The following NFIX variants were observed in gnomAD, a reference collection of about 807,000 sequenced individuals.
The protein encoded by NFIX is nuclear factor 1 X-type.
A neutral mutation model predicts 53.3 loss-of-function variants in NFIX; 2 were observed. That is an observed-to-expected ratio of 0.04 (90% CI 0.02 to 0.12). The LOEUF (loss-of-function observed/expected upper bound fraction) is 0.12, where lower values mean the gene tolerates loss of function less well. Among genes scored for constraint, NFIX ranks in the 10% least tolerant of loss-of-function variants. The probability of loss-of-function intolerance (pLI) is 1.00; values close to 1 mark genes in which losing one functional copy is unlikely to be tolerated. For synonymous variants in NFIX, 244 were observed against 289.0 expected, an observed-to-expected ratio of 0.84 and a Z score of 1.58; for missense variants, 310 against 674.5, an observed-to-expected ratio of 0.46 and a Z score of 5.99.
Position 13,005,230 on chromosome 19 carries a change from G to A in NFIX, c.27+9366G>A, listed in dbSNP as rs1247414571. 6.6e-6 allele frequency among the ~76,000 whole-genome samples: 1 copy of A among 152,216 alleles called. No individual in the cohort carries two copies. Among genetic ancestry groups the A allele is most frequent in the African/African-American group, 2.4e-5 (1 of 41,450 alleles). On this transcript the variant is annotated intron_variant, in intron 1 of 10. Coordinates refer to ENST00000592199, the MANE Select transcript of NFIX (RefSeq NM_001365902.3). The surrounding 1 kb of genome is among the most constrained non-coding windows in gnomAD (Gnocchi z 4.7). The stretch of plus-strand genomic sequence containing the variant: ...AAGAAGAGACAGCGGTCAGCAGAAT[G>A]GTAGAAGAAGATAGGATAATAGCAA...
At chr19:13,024,498 TG>T in intron 1 of NFIX, 1 of 1,504,588 alleles carries the variant, frequency 6.6e-7, no homozygotes. Flanking sequence ...TCTGTCTTCT[TG>T]GGGGCGGCCA....
rs1249645010 is a variant in NFIX at position 13,006,041 on chromosome 19, C to T, written c.27+10177C>T. 4.6e-5 allele frequency among the ~76,000 whole-genome samples: 7 copies of T among 152,178 alleles called. No individual in the cohort carries two copies. The highest frequency in any genetic ancestry group is 8.8e-5 in the Non-Finnish European group (6 of 68,042). ...GGGTGCCAGGCTCTGTTTTAGGCCC[C>T]GGGGGCTCGGCAGGGAGCAAAATCT... On this transcript the variant is annotated intron_variant, in intron 1 of 10. Coordinates refer to ENST00000592199, the MANE Select transcript of NFIX (RefSeq NM_001365902.3). The surrounding 1 kb of genome is among the most constrained non-coding windows in gnomAD (Gnocchi z 5.6).
chr19:12,997,937 G>A (rs1254574223), intron 1 of NFIX, among the ~76,000 whole-genome samples: 4 of 151,966 alleles, frequency 2.6e-5, no homozygotes, highest in East Asian at 1.9e-4. Context: ...TGGGCATGGT[G>A]TCTCCAGGCT....
intron 2 of NFIX, among the ~76,000 whole-genome samples, chr19:13,029,163 AT>A (rs1324695329): frequency 6.6e-6 from 1 of 152,168 alleles, no homozygotes; most frequent in Non-Finnish European, 1.5e-5. Flanking sequence ...ATCACGGCCA[AT>A]CTCAATTCAA....
intron 1 of NFIX, among the ~76,000 whole-genome samples, chr19:13,023,037 C>T (rs1215361211): frequency 6.7e-6 from 1 of 149,156 alleles, no homozygotes; most frequent in Non-Finnish European, 1.5e-5. Context: ...TCGTGGATGT[C>T]TCTTTGCCAA....
chr19:13,051,908 C>G lies in NFIX; in HGVS notation c.560-21139C>G, dbSNP rs1023522081. ...CGGCTGCGGGAAGGCACTTCTTAGG[C>G]GCCGCCTCCTCCTCACAGCGCCCGC... is the stretch of plus-strand genomic sequence containing the variant. On this transcript the variant is annotated intron_variant, in intron 2 of 10. Coordinates refer to ENST00000592199, the MANE Select transcript of NFIX (RefSeq NM_001365902.3). The surrounding 1 kb of genome is among the most constrained non-coding windows in gnomAD (Gnocchi z 5.1). 2.6e-5 allele frequency among the ~76,000 whole-genome samples: 4 copies of G among 152,164 alleles called. No individual in the cohort carries two copies. The highest frequency in any genetic ancestry group is 5.9e-5 in the Non-Finnish European group (4 of 68,018).
chr19:13,091,454 G>A (rs1246053702), intron 10 of NFIX, among the ~76,000 whole-genome samples: 1 of 144,978 alleles, frequency 6.9e-6, no homozygotes, highest in Non-Finnish European at 1.5e-5. Context: ...AAACTTCAGA[G>A]CTCCCTAGTG....
chr19:13,092,116 G>A (rs1196443908), intron 10 of NFIX, among the ~76,000 whole-genome samples: 3 of 152,160 alleles, frequency 2.0e-5, no homozygotes, highest in Non-Finnish European at 4.4e-5. Context: ...CGGCTGCAAC[G>A]GGCGGGCGCA....
chr19:13,076,487 T>C (rs1438219053), intron 6 of NFIX, among the ~76,000 whole-genome samples: 1 of 152,164 alleles, frequency 6.6e-6, no homozygotes, highest in Non-Finnish European at 1.5e-5. Context: ...TGAGCACATG[T>C]GTGTGAGGAG....
chr19:13,075,522 C>A lies in NFIX; in HGVS notation c.819-13C>A, dbSNP rs2017042254. 3.1e-6 allele frequency: 5 copies of A among 1,613,106 alleles called. No individual in the cohort carries two copies. In the Admixed American group the frequency reaches 5.0e-5, roughly 16 times the overall value. On this transcript the variant is annotated splice_polypyrimidine_tract_variant and intron_variant, in intron 5 of 10. Transcript: ENST00000592199. ...CCATCCTTGGCCCATGTGACCCTTT[C>A]TTTCTTCCCCAGCACCACCAAGCGC...
intron 1 of NFIX, among the ~76,000 whole-genome samples, chr19:13,019,651 G>A (rs2012854838): frequency 6.6e-6 from 1 of 150,376 alleles, no homozygotes; most frequent in Admixed American, 6.6e-5. Context: ...ATTTCTCCTA[G>A]TGATGGCTGA....
chr19:13,019,573 T>G (rs2145174595), intron 1 of NFIX, among the ~76,000 whole-genome samples: 1 of 152,234 alleles, frequency 6.6e-6, no homozygotes, highest in Non-Finnish European at 1.5e-5. Context: ...TTTTTTCTCT[T>G]TTTTCGTTCT....
Position 13,081,169 on chromosome 19 carries a change from G to A in NFIX, c.1079-511G>A, listed in dbSNP as rs1175326655. Among the ~76,000 whole-genome samples the A allele has an allele frequency of 6.6e-6, 1 of 151,950 alleles. No individual in the cohort carries two copies. The highest frequency in any genetic ancestry group is 1.5e-5 in the Non-Finnish European group (1 of 68,006). ...AAAAAGCAAAAATCTACCAGGCCTGGTGGCGTGCACCTGTAGTGCTGGTTA... is the reference window on the plus strand; with the variant it reads ...AAAAAGCAAAAATCTACCAGGCCTGATGGCGTGCACCTGTAGTGCTGGTTA... On this transcript the variant is annotated intron_variant, in intron 7 of 10. Transcript: ENST00000592199. This position sits in a 1 kb window ranked among gnomAD's most constrained non-coding sequence, Gnocchi z 4.7.
Position 13,025,294 on chromosome 19 carries a change from C to T in NFIX, c.301C>T (p.Pro101Ser). The change falls in exon 2 of 11, where the codon CCC (proline) becomes TCC (serine). Residue 101 changes from proline to serine, a missense_variant. This residue lies in a region of NFIX where 64 missense variants were observed against 144.5 expected (regional missense o/e 0.44). Coordinates refer to ENST00000592199, the MANE Select transcript of NFIX (RefSeq NM_001365902.3). This position sits in a 1 kb window ranked among gnomAD's most constrained non-coding sequence, Gnocchi z 7.5. The stretch of plus-strand genomic sequence containing the variant: ...GCTGACCATCACGGGCAAGAAGCCC[C>T]CCTGCTGCGTGCTCTCCAACCCCGA... ...FVLTITGKKP[P>S]CCVLSNPDQK... 6.2e-7 allele frequency: 1 copy of T among 1,614,060 alleles called. No individual in the cohort carries two copies. Among genetic ancestry groups the T allele is most frequent in the Non-Finnish European group, 8.5e-7 (1 of 1,179,928 alleles).
At chr19:13,074,196 C>T (rs2016936907) in intron 5 of NFIX, among the ~76,000 whole-genome samples, 170 bp downstream of exon 5, 1 of 152,230 alleles carries the variant, frequency 6.6e-6, no homozygotes. Context: ...CGCAGTCACC[C>T]ACTGAGCTGC....
rs1303190548 is a variant in NFIX, at chr19:13,072,474, G to A, written c.560-573G>A. Among the ~76,000 whole-genome samples, 3 of 152,236 alleles carry A rather than the reference G, an allele frequency of 2.0e-5. No individual in the cohort carries two copies. Among genetic ancestry groups the A allele is most frequent in the Non-Finnish European group, 2.9e-5 (2 of 68,044 alleles). Reference sequence around the variant, plus strand: ...AGCATAAAGGTGAGGTGGGGGAGGCGCAGGCAGACAGGAATGGCTTCAATT... The same window carrying A: ...AGCATAAAGGTGAGGTGGGGGAGGCACAGGCAGACAGGAATGGCTTCAATT... On this transcript the variant is annotated intron_variant, in intron 2 of 10. Transcript: ENST00000592199. The surrounding 1 kb of genome is among the most constrained non-coding windows in gnomAD (Gnocchi z 4.0).
chr19:13,048,386 C>T (rs1035916620), intron 2 of NFIX, among the ~76,000 whole-genome samples: 1 of 152,204 alleles, frequency 6.6e-6, no homozygotes, highest in Non-Finnish European at 1.5e-5. Flanking sequence ...TGAGCCCTCA[C>T]AACCAGACTA....
chr19:13,043,816 T>C lies in NFIX; in HGVS notation c.559+18264T>C, dbSNP rs1173917997. Among the ~76,000 whole-genome samples, 1 of 152,150 alleles carries C rather than the reference T, an allele frequency of 6.6e-6. No individual in the cohort carries two copies. Among genetic ancestry groups the C allele is most frequent in the Non-Finnish European group, 1.5e-5 (1 of 68,022 alleles). On this transcript the variant is annotated intron_variant, in intron 2 of 10. Transcript: ENST00000592199. This position sits in a 1 kb window ranked among gnomAD's most constrained non-coding sequence, Gnocchi z 4.0. ...TATCTGTGTGCCTGAATATGCATGC[T>C]TATTCATCTCGAAAACTGGGCCGTA...
chr19:13,062,326 T>C (rs1476983779), intron 2 of NFIX, among the ~76,000 whole-genome samples: 1 of 152,250 alleles, frequency 6.6e-6, no homozygotes, highest in Admixed American at 6.5e-5. Context: ...AAAGCTATTC[T>C]TTCTTCAGGA....
Sources: allele counts gnomAD v4.1 joint callset (sites outside exome capture counted in the v4.1 genomes callset), GRCh38; gene constraint gnomAD v4.1.1; regional missense constraint gnomAD v4.1.1; non-coding constraint Gnocchi (gnomAD v3.1); transcripts MANE v1.5; gene names NCBI Gene and HGNC (gene_info 2026-07-23, HGNC 2026-07-21).